Variants in CYP2C19 observed in about 807,000 individuals in gnomAD.
CYP2C19 encodes the protein cytochrome P450 2C19.
Under a neutral mutation model 40.9 loss-of-function variants are expected in CYP2C19, and 59 were observed. The ratio of observed to expected loss-of-function variants is 1.44; its 90% confidence interval spans 1.17 to 1.79. The LOEUF is 1.79. Among genes scored for constraint, CYP2C19 ranks in the 40% most tolerant of loss-of-function variants. The pLI, the probability that CYP2C19 is intolerant of heterozygous loss-of-function variation, is 0.00. For missense variants in CYP2C19, 754 were observed against 596.9 expected (o/e 1.26, Z -2.74); for synonymous variants, 253 against 208.7 (o/e 1.21, Z -1.83).
At chr10:94,798,111 T>C (rs556042976) in intron 5 of CYP2C19, among the ~76,000 whole-genome samples, 39 of 152,300 alleles carry the variant, frequency 2.6e-4, no homozygotes, top group African/African-American at 8.7e-4. Flanking sequence ...CTTTTCTGCT[T>C]TCTCTTGTGC....
At chr10:94,848,014 C>T (rs1434696144) in intron 7 of CYP2C19, among the ~76,000 whole-genome samples, 1 of 152,050 alleles carries the variant, frequency 6.6e-6, no homozygotes, top group Non-Finnish European at 1.5e-5. Flanking sequence ...AAATTTTCTC[C>T]CATTCTGTAG....
chr10:94,796,091 G>T (rs895497272), intron 5 of CYP2C19, among the ~76,000 whole-genome samples: 1 of 152,060 alleles, frequency 6.6e-6, no homozygotes, highest in Non-Finnish European at 1.5e-5. Flanking sequence ...TGTCCTGAAT[G>T]GTATTGCCTA....
In CYP2C19 at chr10:94,775,512, C is replaced by G. The variant is rs1848396231; in HGVS notation, c.454C>G (p.Leu152Val). 6.2e-7 allele frequency: 1 copy of G among 1,613,968 alleles called. No individual in the cohort carries two copies. Among genetic ancestry groups the G allele is most frequent in the Admixed American group, 1.7e-5 (1 of 60,004 alleles). Residue 152 changes from leucine to valine, a missense_variant, in exon 3 of 9, where the codon CTT becomes GTT. By Grantham distance (32) the Leu-to-Val change is conservative. Transcript: ENST00000371321. The stretch of plus-strand genomic sequence containing the variant: ...CCGTGTTCAAGAGGAAGCCCGCTGC[C>G]TTGTGGAGGAGTTGAGAAAAACCAA... ...EDRVQEEARC[L>V]VEELRKTKAS...
chr10:94,848,485 G>T (rs550554857), intron 7 of CYP2C19, among the ~76,000 whole-genome samples: 194 of 152,282 alleles, frequency 1.3e-3, no homozygotes, highest in African/African-American at 4.5e-3. Flanking sequence ...CTGTAGCCTT[G>T]TAGTATAGTT....
Position 94,823,987 on chromosome 10 carries a change from G to A in CYP2C19, c.961+3350G>A, listed in dbSNP as rs116359599. On this transcript the variant is annotated intron_variant, in intron 6 of 8. Coordinates refer to ENST00000371321, the MANE Select transcript of CYP2C19 (RefSeq NM_000769.4). Reference sequence around the variant, plus strand: ...AGATGAGACAGCAAGAACAAGAGATGTGACAGATTTTATGAGAGTTTCCAA... The same window carrying A: ...AGATGAGACAGCAAGAACAAGAGATATGACAGATTTTATGAGAGTTTCCAA... Among the ~76,000 whole-genome samples the A allele has an allele frequency of 3.7e-3, 570 of 152,272 alleles. 2 individuals are homozygous for A. Among genetic ancestry groups the A allele is most frequent in the African/African-American group, 0.012 (517 of 41,568 alleles).
chr10:94,804,735 C>A (rs1427599222), intron 5 of CYP2C19, among the ~76,000 whole-genome samples: 2 of 152,162 alleles, frequency 1.3e-5, no homozygotes, highest in African/African-American at 2.4e-5. Flanking sequence ...TTTTCCTCCC[C>A]AGGTATCTTA....
chr10:94,783,659 C>T (rs1848506249), intron 5 of CYP2C19, among the ~76,000 whole-genome samples: 1 of 151,992 alleles, frequency 6.6e-6, no homozygotes, highest in Admixed American at 6.6e-5. Flanking sequence ...ATGTGTCTGT[C>T]CTAATGCCTA....
At chr10:94,799,136 C>T (rs975267419) in intron 5 of CYP2C19, among the ~76,000 whole-genome samples, 6 of 151,818 alleles carry the variant, frequency 4.0e-5, no homozygotes, top group South Asian at 2.1e-4. Context: ...TGTAGTGGCT[C>T]GTATGGTTTG....
intron 5 of CYP2C19, among the ~76,000 whole-genome samples, chr10:94,811,970 A>G (rs1360462478): frequency 6.6e-6 from 1 of 151,898 alleles, no homozygotes; most frequent in African/African-American, 2.4e-5. Flanking sequence ...TATAGTGTTG[A>G]TGGTCTTTAC....
At chr10:94,775,329 G>A in intron 2 of CYP2C19, 61 bp from the exon 3 acceptor site, 1 of 1,612,464 alleles carries the variant, frequency 6.2e-7, no homozygotes, top group Non-Finnish European at 8.5e-7. Context: ...TGGCTGCCCA[G>A]TGTCAGCTTC....
At chr10:94,848,431 G>T (rs1365114139) in intron 7 of CYP2C19, among the ~76,000 whole-genome samples, 1 of 152,202 alleles carries the variant, frequency 6.6e-6, no homozygotes, top group East Asian at 1.9e-4. Context: ...TGTTCCATTG[G>T]TCTACATCTC....
intron 5 of CYP2C19, among the ~76,000 whole-genome samples, chr10:94,784,025 C>T (rs183068024): frequency 5.9e-5 from 9 of 152,252 alleles, no homozygotes; most frequent in Middle Eastern, 3.4e-3. Flanking sequence ...GTTTTTATCA[C>T]GCCACAAAAA....
At chr10:94,829,201 A>G (rs1218992662) in intron 6 of CYP2C19, among the ~76,000 whole-genome samples, 3 of 152,104 alleles carry the variant, frequency 2.0e-5, no homozygotes, top group Non-Finnish European at 4.4e-5. Context: ...CTGAATCTGA[A>G]CGTTGGCCTG....
chr10:94,777,301 C>G (rs1227092644), intron 3 of CYP2C19, among the ~76,000 whole-genome samples: 2 of 152,160 alleles, frequency 1.3e-5, no homozygotes, highest in African/African-American at 2.4e-5. Context: ...GAAAAAACTA[C>G]TTTAAATTTC....
At chr10:94,832,258 G>A (rs1015739304) in intron 6 of CYP2C19, among the ~76,000 whole-genome samples, 17 of 152,172 alleles carry the variant, frequency 1.1e-4, no homozygotes, top group African/African-American at 3.9e-4. Flanking sequence ...AAGGGAAGAT[G>A]TTTAATGGAC....
intron 1 of CYP2C19, among the ~76,000 whole-genome samples, chr10:94,772,926 C>G (rs185088004): frequency 6.6e-6 from 1 of 152,184 alleles, no homozygotes; most frequent in South Asian, 2.1e-4. Flanking sequence ...GGACTACAGG[C>G]GCCCGCCACC....
chr10:94,852,114 A>C (rs1660476286), intron 8 of CYP2C19, among the ~76,000 whole-genome samples: 1 of 152,174 alleles, frequency 6.6e-6, no homozygotes. Context: ...AGTTGAGAGT[A>C]GGGGAGGTGA....
At chr10:94,793,752 G>C (rs890554642) in intron 5 of CYP2C19, among the ~76,000 whole-genome samples, 3 of 152,102 alleles carry the variant, frequency 2.0e-5, no homozygotes, top group African/African-American at 7.2e-5. Flanking sequence ...GGGCTGTATG[G>C]GGTGTCAGTC....
At chr10:94,796,741 T>C (rs951778847) in intron 5 of CYP2C19, among the ~76,000 whole-genome samples, 9 of 152,184 alleles carry the variant, frequency 5.9e-5, no homozygotes, top group South Asian at 2.1e-4. Flanking sequence ...TTAGGTATTT[T>C]ACTCTCTTTG....
Sources: allele counts gnomAD v4.1 joint callset (sites outside exome capture counted in the v4.1 genomes callset), GRCh38; gene constraint gnomAD v4.1.1; transcripts MANE v1.5; gene names NCBI Gene and HGNC (gene_info 2026-07-23, HGNC 2026-07-21).